DENND4B: variants seen among roughly 807,000 people sequenced by gnomAD.
DENND4B encodes the protein DENN domain-containing protein 4B.
Under a neutral mutation model 161.0 loss-of-function variants are expected in DENND4B, and 67 were observed. That is an observed-to-expected ratio of 0.42 (90% CI 0.34 to 0.51). The LOEUF is 0.51. Ranked by LOEUF, DENND4B falls within the 20% of genes least tolerant of loss-of-function variation. The pLI, the probability that DENND4B is intolerant of heterozygous loss-of-function variation, is 0.08. For missense variants in DENND4B, 1,481 were observed against 1,968.0 expected, an observed-to-expected ratio of 0.75 and a Z score of 4.68; for synonymous variants, 753 against 813.8, an observed-to-expected ratio of 0.93 and a Z score of 1.27.
chr1:153,930,115 G>T lies in DENND4B; in HGVS notation c.*182C>A. On this transcript the variant is annotated 3_prime_UTR_variant, in exon 28 of 28. Coordinates refer to ENST00000361217, the MANE Select transcript of DENND4B (RefSeq NM_014856.3). The surrounding 1 kb of genome is among the most constrained non-coding windows in gnomAD (Gnocchi z 4.7). Reference sequence around the variant, plus strand: ...GAACAAACTGGGTAGGTTGGTGATGGGGGAATCAGGACTTTTGGTAACAGT... The same window carrying T: ...GAACAAACTGGGTAGGTTGGTGATGTGGGAATCAGGACTTTTGGTAACAGT... 1.2e-6 allele frequency: 1 copy of T among 812,300 alleles called. No homozygotes were observed. The highest frequency in any genetic ancestry group is 1.9e-6 in the Non-Finnish European group (1 of 532,220). The allele number at this position is 812,300 out of a possible 1,614,324, so 50.3% of individuals were successfully genotyped here. A position where few individuals can be genotyped will look rare whatever the true frequency, so the allele number is the denominator to read the frequency against.
At position 153,934,638 on chromosome 1, in the gene DENND4B, T is replaced by G; in HGVS notation, c.2773+122A>C. ...TTTATCCCTTTTGTTACCAGTCAAG[T>G]GTAATTTATCAATCCCCAGAAACCC... On this transcript the variant is annotated intron_variant, in intron 18 of 27. Coordinates refer to ENST00000361217, the MANE Select transcript of DENND4B (RefSeq NM_014856.3). This position sits in a 1 kb window ranked among gnomAD's most constrained non-coding sequence, Gnocchi z 5.3. 6.9e-7 allele frequency: 1 copy of G among 1,458,554 alleles called. No individual in the cohort carries two copies. The highest frequency in any genetic ancestry group is 9.1e-7 in the Non-Finnish European group (1 of 1,095,784). 90.4% of individuals were successfully genotyped at this position (1,458,554 alleles called of 1,614,324 possible).
intron 1 of DENND4B, chr1:153,945,133 AC>A (rs1464950023): frequency 1.6e-6 from 2 of 1,289,382 alleles, no homozygotes; most frequent in Non-Finnish European, 1.0e-6. Flanking sequence ...CCTAGTTCTC[AC>A]CTGCCTCCAT....
rs1167164311 is a variant in DENND4B, at chr1:153,932,619, T to C, written c.3759+23A>G. ...CACAGGGCAACATTCCCGTTCCTCA[T>C]GCCCCTTTGGCCCAGCCCTTACCCC... On this transcript the variant is annotated intron_variant, in intron 23 of 27. Coordinates refer to ENST00000361217, the MANE Select transcript of DENND4B (RefSeq NM_014856.3). The surrounding 1 kb of genome is among the most constrained non-coding windows in gnomAD (Gnocchi z 5.8). 1.9e-6 allele frequency: 3 copies of C among 1,603,512 alleles called. No homozygotes were observed. The highest frequency in any genetic ancestry group is 2.6e-6 in the Non-Finnish European group (3 of 1,173,338).
chr1:153,936,609 T>A lies in DENND4B; in HGVS notation c.2372A>T (p.Gln791Leu), dbSNP rs200073156. 18 of 1,612,604 alleles carry A rather than the reference T, an allele frequency of 1.1e-5. No homozygotes were observed. The East Asian group carries it at 4.0e-4, about 36-fold the overall frequency. The change falls in exon 16 of 28, where the codon CAG (glutamine) becomes CTG (leucine). Residue 791 changes from glutamine (Q) to leucine (L), a missense_variant. Transcript: ENST00000361217. This position sits in a 1 kb window ranked among gnomAD's most constrained non-coding sequence, Gnocchi z 4.1. ...AYVRSAPSRVQALHTAYHVLR... is the reference protein window; with the variant it reads ...AYVRSAPSRVLALHTAYHVLR... ...CACATGGTAGGCTGTGTGCAGTGCC[T>A]GCACTCGGGAGGGTGCCGACCGCAC...
At position 153,936,532 on chromosome 1, in the gene DENND4B, G is replaced by A. The variant is rs200513243; in HGVS notation, c.2439+10C>T. 213 of 1,575,422 alleles carry A rather than the reference G, an allele frequency of 1.4e-4. 1 individual carries two copies. In the African/African-American group the frequency reaches 2.7e-3, roughly 20 times the overall value. ...GCCTGGGTATGAGCATGGTCACATA[G>A]ATTGCCTACCTCATCAGGGAGCACC... On this transcript the variant is annotated intron_variant, in intron 16 of 27. Coordinates refer to ENST00000361217, the MANE Select transcript of DENND4B (RefSeq NM_014856.3). The surrounding 1 kb of genome is among the most constrained non-coding windows in gnomAD (Gnocchi z 4.1).
chr1:153,936,257 C>T lies in DENND4B; in HGVS notation c.2440-69G>A. 1 of 1,528,318 alleles carries T rather than the reference C, an allele frequency of 6.5e-7. No individual in the cohort carries two copies. The highest frequency in any genetic ancestry group is 2.4e-5 in the East Asian group (1 of 40,824). The allele number at this position is 1,528,318 out of a possible 1,614,324, so 94.7% of individuals were successfully genotyped here. The stretch of plus-strand genomic sequence containing the variant: ...CCAAAACCAAAGTCTCAGCAAGCAC[C>T]CTCTTCCTGCCTCCCCAATTCTCAC... On this transcript the variant is annotated intron_variant, in intron 16 of 27. Transcript: ENST00000361217. This position sits in a 1 kb window ranked among gnomAD's most constrained non-coding sequence, Gnocchi z 4.1.
At chr1:153,938,862 C>G in intron 13 of DENND4B, 38 bp downstream of exon 13, 3 of 1,557,590 alleles carry the variant, frequency 1.9e-6, no homozygotes, top group Non-Finnish European at 2.6e-6. Flanking sequence ...ATGAGGGAGA[C>G]AGCAGAGGCC....
In DENND4B at chr1:153,944,014, C is replaced by G. The variant is rs568526626; in HGVS notation, c.317+44G>C. On this transcript the variant is annotated intron_variant, in intron 2 of 27. Transcript: ENST00000361217. The surrounding 1 kb of genome is among the most constrained non-coding windows in gnomAD (Gnocchi z 4.8). ...CTACCTCTCCCTGTCTCACTGGAGT[C>G]CCTCCCAGCCTCCCCTGGTGCCAGC... 6.7e-7 allele frequency: 1 copy of G among 1,502,112 alleles called. No homozygotes were observed. Among genetic ancestry groups the G allele is most frequent in the East Asian group, 2.4e-5 (1 of 42,210 alleles). The allele number at this position is 1,502,112 out of a possible 1,614,324, so 93.0% of individuals were successfully genotyped here.
In DENND4B at chr1:153,937,961, A is replaced by G; in HGVS notation, c.1966-98T>C. On this transcript the variant is annotated intron_variant, in intron 13 of 27. Coordinates refer to ENST00000361217, the MANE Select transcript of DENND4B (RefSeq NM_014856.3). The surrounding 1 kb of genome is among the most constrained non-coding windows in gnomAD (Gnocchi z 4.7). ...GCATCTCCCAGGAAAGCTCATCCACAAGGAAAGAGACACAGCCTGGGAAGA... is the reference window on the plus strand; with the variant it reads ...GCATCTCCCAGGAAAGCTCATCCACGAGGAAAGAGACACAGCCTGGGAAGA... The G allele has an allele frequency of 1.3e-6, 2 of 1,541,994 alleles. No homozygotes were observed. Among genetic ancestry groups the G allele is most frequent in the Non-Finnish European group, 8.9e-7 (1 of 1,128,698 alleles).
rs756964028 is a variant in DENND4B at position 153,934,140 on chromosome 1, G to T, written c.2936C>A (p.Ala979Asp). 1 of 1,564,776 alleles carries T rather than the reference G, an allele frequency of 6.4e-7. No individual in the cohort carries two copies. Among genetic ancestry groups the T allele is most frequent in the East Asian group, 2.3e-5 (1 of 44,108 alleles). The change falls in exon 19 of 28, where the codon GCC (alanine) becomes GAC (aspartate). Residue 979 changes from alanine (A) to aspartate (D), a missense_variant. Ala to Asp is a moderately radical substitution (Grantham distance 126, BLOSUM62 -2). This residue lies in a region of DENND4B where 339 missense variants were observed against 330.3 expected (regional missense o/e 1.03). Transcript: ENST00000361217. The surrounding 1 kb of genome is among the most constrained non-coding windows in gnomAD (Gnocchi z 5.3). ...AGCCAGACAAGGGCACTCACTGTGG[G>T]CCACACCGGCCTCCACAGTGGGCTG... is the stretch of plus-strand genomic sequence containing the variant. ...GAQPTVEAGV[A>D]HMIEALGVLE...
rs1041693713 is a variant in DENND4B at position 153,930,456 on chromosome 1, T to C, written c.4346-14A>G. The stretch of plus-strand genomic sequence containing the variant: ...TATCGAAGGCCACTAGGGAAGAAGG[T>C]GGAAGTCAACATGTTAGGACCGCAG... On this transcript the variant is annotated splice_polypyrimidine_tract_variant and intron_variant, in intron 27 of 27. Coordinates refer to ENST00000361217, the MANE Select transcript of DENND4B (RefSeq NM_014856.3). This position sits in a 1 kb window ranked among gnomAD's most constrained non-coding sequence, Gnocchi z 4.7. 1.2e-6 allele frequency: 2 copies of C among 1,613,780 alleles called. No individual in the cohort carries two copies. The highest frequency in any genetic ancestry group is 1.7e-6 in the Non-Finnish European group (2 of 1,179,768).
At position 153,933,185 on chromosome 1, in the gene DENND4B, G is replaced by C; in HGVS notation, c.3453+12C>G. 6.2e-7 allele frequency: 1 copy of C among 1,612,826 alleles called. No homozygotes were observed. Among genetic ancestry groups the C allele is most frequent in the Non-Finnish European group, 8.5e-7 (1 of 1,179,420 alleles). ...TGTTCAAGCACATCTGTGTGGGAGG[G>C]GTTATCCTCACTTCCAGGGAAGGTG... is the stretch of plus-strand genomic sequence containing the variant. On this transcript the variant is annotated intron_variant, in intron 21 of 27. Coordinates refer to ENST00000361217, the MANE Select transcript of DENND4B (RefSeq NM_014856.3). This position sits in a 1 kb window ranked among gnomAD's most constrained non-coding sequence, Gnocchi z 5.7.
Position 153,933,589 on chromosome 1 carries a change from C to A in DENND4B, c.3224G>T (p.Arg1075Leu). Residue 1075 changes from arginine (R) to leucine (L), a missense_variant, in exon 20 of 28, where the codon CGC becomes CTC. Around this residue, in one of 3 missense-constraint regions of DENND4B, gnomAD observed 339 missense variants for 330.3 expected, o/e 1.03. Coordinates refer to ENST00000361217, the MANE Select transcript of DENND4B (RefSeq NM_014856.3). The surrounding 1 kb of genome is among the most constrained non-coding windows in gnomAD (Gnocchi z 5.7). Reference protein sequence around the residue: ...LTPSRHSPASRIPPPELPPDL... With the variant: ...LTPSRHSPASLIPPPELPPDL... ...AGGAGGCAGCTCAGGTGGGGGAATG[C>A]GGGAGGCAGGGGAGTGGCGGGAAGG... The A allele has an allele frequency of 6.4e-7, 1 of 1,567,304 alleles. No individual in the cohort carries two copies. The highest frequency in any genetic ancestry group is 1.2e-5 in the South Asian group (1 of 84,588).
rs751552787 is a variant in DENND4B at position 153,933,041 on chromosome 1, G to C, written c.3454-11C>G. 1 of 1,612,538 alleles carries C rather than the reference G, an allele frequency of 6.2e-7. No individual in the cohort carries two copies. Among genetic ancestry groups the C allele is most frequent in the South Asian group, 1.1e-5 (1 of 91,030 alleles). On this transcript the variant is annotated splice_polypyrimidine_tract_variant and intron_variant, in intron 21 of 27. Coordinates refer to ENST00000361217, the MANE Select transcript of DENND4B (RefSeq NM_014856.3). The surrounding 1 kb of genome is among the most constrained non-coding windows in gnomAD (Gnocchi z 5.7). ...GCTGGACAGCAGAATCTGTGGGCAGGGAGAGTCGGGAAGTAGGTGCTGTCT... is the reference window on the plus strand; with the variant it reads ...GCTGGACAGCAGAATCTGTGGGCAGCGAGAGTCGGGAAGTAGGTGCTGTCT...
intron 6 of DENND4B, 24 bp from the exon 7 acceptor site, chr1:153,941,464 G>A (rs745568854): frequency 1.9e-6 from 3 of 1,603,784 alleles, no homozygotes; most frequent in Non-Finnish European, 2.6e-6. Flanking sequence ...AAACAGGTCA[G>A]AGCATACTCC....
chr1:153,941,775 G>GGGGGCC, intron 6 of DENND4B, 94 bp downstream of exon 6: 1 of 1,338,170 alleles, frequency 7.5e-7, no homozygotes, highest in Non-Finnish European at 1.0e-6. Context: ...CCTGTGCCCA[G>GGGGGCC]CCCTCCCCCC....
chr1:153,939,087 G>A (rs764521548), intron 12 of DENND4B, 42 bp from the exon 13 acceptor site: 1 of 1,601,884 alleles, frequency 6.2e-7, no homozygotes, highest in South Asian at 1.1e-5. Context: ...GTGTGACCAG[G>A]GCTCTCCACC....
At position 153,934,437 on chromosome 1, in the gene DENND4B, G is replaced by C; in HGVS notation, c.2774-135C>G. On this transcript the variant is annotated intron_variant, in intron 18 of 27. Coordinates refer to ENST00000361217, the MANE Select transcript of DENND4B (RefSeq NM_014856.3). The surrounding 1 kb of genome is among the most constrained non-coding windows in gnomAD (Gnocchi z 5.3). ...AACTTTATCCGTTTTGTGTTTGTTT[G>C]TTTGTTTGTTTTGTTTTGTTTTTTG... 7.8e-7 allele frequency: 1 copy of C among 1,289,672 alleles called. No homozygotes were observed. Among genetic ancestry groups the C allele is most frequent in the Non-Finnish European group, 1.1e-6 (1 of 947,850 alleles). 79.9% of individuals were successfully genotyped at this position (1,289,672 alleles called of 1,614,324 possible).
At position 153,939,601 on chromosome 1, in the gene DENND4B, A is replaced by T. The variant is rs1255603324; in HGVS notation, c.1807T>A (p.Phe603Ile). Reference protein sequence around the residue: ...SEGARDVDNLFFLQGFLKSRE... With the variant: ...SEGARDVDNLIFLQGFLKSRE... ...AGGCCCTCTATACCCTGCAGGAAGA[A>T]AAGGTTGTCAACATCACGAGCTCCC... The change falls in exon 12 of 28, where the codon TTC becomes ATC. Residue 603 changes from phenylalanine (F) to isoleucine (I), a missense_variant. By Grantham distance (21) the Phe-to-Ile change is conservative. Transcript: ENST00000361217. The T allele has an allele frequency of 6.2e-7, 1 of 1,608,770 alleles. No individual in the cohort carries two copies.
Sources: gnomAD v4.1 joint callset for allele counts on GRCh38, gnomAD v4.1.1 for gene constraint, gnomAD v4.1.1 regional missense constraint, Gnocchi (gnomAD v3.1) non-coding constraint, MANE v1.5 for transcripts, NCBI Gene and HGNC (gene_info 2026-07-23, HGNC 2026-07-21) for gene names.